CCSER2: variants seen among roughly 807,000 people sequenced by gnomAD.
CCSER2 encodes the protein serine-rich coiled-coil domain-containing protein 2.
A neutral mutation model predicts 92.3 loss-of-function variants in CCSER2; 46 were observed. That is an observed-to-expected ratio of 0.50 (90% CI 0.39 to 0.64). The LOEUF (loss-of-function observed/expected upper bound fraction) is 0.64. Among genes scored for constraint, CCSER2 ranks in the 30% least tolerant of loss-of-function variants. The pLI is 0.00. For missense variants in CCSER2, 1,244 were observed against 1,238.9 expected (o/e 1.00, Z -0.06); for synonymous variants, 433 against 431.4 (o/e 1.00, Z -0.04).
intron 9 of CCSER2, among the ~76,000 whole-genome samples, chr10:84,480,638 T>G (rs891845117): frequency 6.6e-6 from 1 of 152,194 alleles, no homozygotes; most frequent in African/African-American, 2.4e-5. Context: ...TATTGAGAGA[T>G]AACGATATAT....
At position 84,352,989 on chromosome 10, in the gene CCSER2, A is replaced by G. The variant is rs550271309; in HGVS notation, c.-39-18025A>G. Among the ~76,000 whole-genome samples the G allele has an allele frequency of 6.6e-5, 10 of 152,112 alleles. No homozygotes were observed. The South Asian group carries it at 1.7e-3, about 25-fold the overall frequency. ...GTGTTTTTAGTACAGATAGGGTTTT[A>G]CCATGTTGGCCAGGCTGGTCTCGAA... On this transcript the variant is annotated intron_variant, in intron 1 of 9. Coordinates refer to ENST00000372088, the MANE Select transcript of CCSER2 (RefSeq NM_001284240.2).
rs35048539 is a variant in CCSER2, at chr10:84,432,495, C to T, written c.1869-6017C>T. On this transcript the variant is annotated intron_variant, in intron 5 of 9. Coordinates refer to ENST00000372088, the MANE Select transcript of CCSER2 (RefSeq NM_001284240.2). ...TTTAGCTCCCACTTATAAGTGAGAACATGTGGTATTTGGTTTTCTCTTCCA... is the reference window on the plus strand; with the variant it reads ...TTTAGCTCCCACTTATAAGTGAGAATATGTGGTATTTGGTTTTCTCTTCCA... Among the ~76,000 whole-genome samples, 390 of 152,300 alleles carry T rather than the reference C, an allele frequency of 2.6e-3. 2 individuals are homozygous for T. The highest frequency in any genetic ancestry group is 4.1e-3 in the Non-Finnish European group (281 of 68,022).
At chr10:84,386,376 A>G (rs193131085) in intron 3 of CCSER2, among the ~76,000 whole-genome samples, 1 of 152,258 alleles carries the variant, frequency 6.6e-6, no homozygotes, top group Admixed American at 6.5e-5. Flanking sequence ...TTGGATAAAG[A>G]AAATGTGGTG....
chr10:84,425,062 C>G (rs1042709340), intron 4 of CCSER2: 1 of 964,782 alleles, frequency 1.0e-6, no homozygotes, highest in Non-Finnish European at 1.2e-6. Flanking sequence ...AGTGAAGAAG[C>G]TTGGGGTGTT....
intron 6 of CCSER2, among the ~76,000 whole-genome samples, chr10:84,446,138 A>G (rs892846231): frequency 3.9e-5 from 6 of 152,148 alleles, no homozygotes; most frequent in African/African-American, 1.4e-4. Context: ...TGACCTTGCA[A>G]TAAGAAATGA....
intron 9 of CCSER2, among the ~76,000 whole-genome samples, chr10:84,488,189 G>A (rs1368369942): frequency 2.0e-5 from 3 of 152,136 alleles, no homozygotes; most frequent in African/African-American, 4.8e-5. Context: ...AGGGATATTG[G>A]TCTAAAATTC....
chr10:84,492,007 C>CG (rs1848199680), intron 9 of CCSER2, among the ~76,000 whole-genome samples: 1 of 152,100 alleles, frequency 6.6e-6, no homozygotes, highest in Admixed American at 6.6e-5. Context: ...GGGCCATGTG[C>CG]GGTGGCTCAT....
intron 9 of CCSER2, among the ~76,000 whole-genome samples, chr10:84,498,234 T>G (rs138117484): frequency 1.2e-3 from 178 of 152,314 alleles, no homozygotes; most frequent in Non-Finnish European, 2.2e-3. Context: ...AGAATTTGTT[T>G]AGTATAAATA....
intron 3 of CCSER2, among the ~76,000 whole-genome samples, chr10:84,378,500 T>A (rs1268409064): frequency 6.7e-6 from 1 of 148,380 alleles, no homozygotes; most frequent in Non-Finnish European, 1.5e-5. Context: ...GATGGCGCAA[T>A]CTTGGCTCAC....
At chr10:84,485,587 A>T (rs1214484030) in intron 9 of CCSER2, among the ~76,000 whole-genome samples, 1 of 152,158 alleles carries the variant, frequency 6.6e-6, no homozygotes, top group Admixed American at 6.5e-5. Context: ...CTGTTCCATG[A>T]TATGGGTGTA....
chr10:84,407,355 G>GT (rs1365138274), intron 3 of CCSER2, among the ~76,000 whole-genome samples: 1 of 151,826 alleles, frequency 6.6e-6, no homozygotes, highest in East Asian at 1.9e-4. Flanking sequence ...TCCATCATTT[G>GT]TTTTATTTAC....
At chr10:84,406,043 C>T (rs1467317043) in intron 3 of CCSER2, among the ~76,000 whole-genome samples, 4 of 152,116 alleles carry the variant, frequency 2.6e-5, no homozygotes, top group Admixed American at 6.6e-5. Context: ...TAGAAAGAAT[C>T]GAAATATCCT....
intron 9 of CCSER2, among the ~76,000 whole-genome samples, chr10:84,506,089 T>C (rs1849027914): frequency 6.6e-6 from 1 of 151,904 alleles, no homozygotes; most frequent in South Asian, 2.1e-4. Flanking sequence ...TAAGAGTGAT[T>C]GTGCCTCTGT....
At chr10:84,409,205 G>T (rs1272167991) in intron 3 of CCSER2, among the ~76,000 whole-genome samples, 3 of 152,048 alleles carry the variant, frequency 2.0e-5, no homozygotes, top group Non-Finnish European at 4.4e-5. Flanking sequence ...TGGCCAGGGT[G>T]GTCTTGAATT....
rs182354233 is a variant in CCSER2 at position 84,416,654 on chromosome 10, C to T, written c.1615-1117C>T. Among the ~76,000 whole-genome samples the T allele has an allele frequency of 9.4e-4, 142 of 151,816 alleles. 1 individual carries two copies. Among genetic ancestry groups the T allele is most frequent in the Middle Eastern group, 6.8e-3 (2 of 294 alleles). ...TTCTATAAGAGTTTTTTTGGCTGGG[C>T]GCGGTAGCTCAAGTCTGTAATTCCA... On this transcript the variant is annotated intron_variant, in intron 3 of 9. Coordinates refer to ENST00000372088, the MANE Select transcript of CCSER2 (RefSeq NM_001284240.2).
chr10:84,513,779 A>G lies in CCSER2; in HGVS notation c.2656A>G (p.Thr886Ala). The change falls in exon 10 of 10, where the codon ACT (threonine) becomes GCT (alanine). Residue 886 changes from threonine to alanine, a missense_variant. Coordinates refer to ENST00000372088, the MANE Select transcript of CCSER2 (RefSeq NM_001284240.2). ...AATTAGTGACATGCAGTTTATACCC[A>G]CTTCTCTTCAGACACCTCCCGAGTC... ...NQISDMQFIPTSLQTPPESST... is the reference protein window; with the variant it reads ...NQISDMQFIPASLQTPPESST... 1 of 1,536,598 alleles carries G rather than the reference A, an allele frequency of 6.5e-7. No individual in the cohort carries two copies. Among genetic ancestry groups the G allele is most frequent in the Non-Finnish European group, 8.7e-7 (1 of 1,146,904 alleles).
At chr10:84,423,085 C>T (rs1432866119) in intron 4 of CCSER2, among the ~76,000 whole-genome samples, 2 of 151,920 alleles carry the variant, frequency 1.3e-5, no homozygotes, top group African/African-American at 2.4e-5. Flanking sequence ...CTCTGGAAAC[C>T]GAATTTGTCT....
intron 1 of CCSER2, among the ~76,000 whole-genome samples, chr10:84,332,410 TTTTATA>T (rs1452126950): frequency 8.2e-5 from 9 of 109,904 alleles, no homozygotes; most frequent in African/African-American, 3.8e-4. Flanking sequence ...AAATTTATTT[TTTTATA>T]TATATATATA....
At chr10:84,483,431 G>A (rs1847574491) in intron 9 of CCSER2, among the ~76,000 whole-genome samples, 1 of 149,594 alleles carries the variant, frequency 6.7e-6, no homozygotes, top group South Asian at 2.1e-4. Flanking sequence ...TTGGGCCTCA[G>A]ATATACTGGG....
Sources: allele counts gnomAD v4.1 joint callset (sites outside exome capture counted in the v4.1 genomes callset), GRCh38; gene constraint gnomAD v4.1.1; transcripts MANE v1.5; gene names NCBI Gene and HGNC (gene_info 2026-07-23, HGNC 2026-07-21).